The following WDFY3 variants were observed in gnomAD, a reference collection of about 807,000 sequenced individuals.
WDFY3 encodes the protein WD repeat and FYVE domain-containing protein 3.
In WDFY3, 66 loss-of-function variants were observed where a neutral mutation model predicts 409.6. That is an observed-to-expected ratio of 0.16 (90% CI 0.13 to 0.20). The LOEUF is 0.20. WDFY3 is among the 10% of genes least tolerant of loss of function. WDFY3 has a pLI of 1.00. For missense variants in WDFY3, 3,031 were observed against 4,298.1 expected, an observed-to-expected ratio of 0.71 and a Z score of 8.24; for synonymous variants, 1,521 against 1,537.1, an observed-to-expected ratio of 0.99 and a Z score of 0.25.
At chr4:84,905,466 C>T (rs1418653129) in intron 2 of WDFY3, among the ~76,000 whole-genome samples, 1 of 152,206 alleles carries the variant, frequency 6.6e-6, no homozygotes, top group Non-Finnish European at 1.5e-5. Flanking sequence ...TCCTCCTCCC[C>T]CACACTCTTC....
At chr4:84,903,770 T>C (rs558541458) in intron 2 of WDFY3, among the ~76,000 whole-genome samples, 1 of 152,310 alleles carries the variant, frequency 6.6e-6, no homozygotes, top group South Asian at 2.1e-4. Flanking sequence ...ACAAAAACAA[T>C]ATCTGAAATA....
intron 1 of WDFY3, among the ~76,000 whole-genome samples, chr4:84,947,619 C>T (rs1773050199): frequency 1.4e-5 from 2 of 146,570 alleles, no homozygotes; most frequent in African/African-American, 5.0e-5. Flanking sequence ...CGTGTAAACC[C>T]AGCACTTTGG....
At chr4:84,879,933 G>C (rs978774605) in intron 3 of WDFY3, among the ~76,000 whole-genome samples, 6 of 152,138 alleles carry the variant, frequency 3.9e-5, no homozygotes, top group African/African-American at 1.4e-4. Context: ...ACGAGTTAAC[G>C]TTTGTGTGAG....
At chr4:84,927,701 C>T (rs1262538669) in intron 2 of WDFY3, among the ~76,000 whole-genome samples, 1 of 152,156 alleles carries the variant, frequency 6.6e-6, no homozygotes, top group African/African-American at 2.4e-5. Flanking sequence ...TCTGGCATTT[C>T]CTCTGCTGGC....
At chr4:84,744,852 CAAAAAAAAAAAAAAAAAAA>C (rs1165273561) in intron 36 of WDFY3, among the ~76,000 whole-genome samples, 1 of 15,764 alleles carries the variant, frequency 6.3e-5, no homozygotes, top group Non-Finnish European at 1.2e-4. Context: ...GACTCCGTCT[CAAAAAAAAAAAAAAAAAAA>C]AAAAAAAAAG....
intron 37 of WDFY3, among the ~76,000 whole-genome samples, chr4:84,743,400 C>T (rs1306545919): frequency 1.3e-5 from 2 of 152,086 alleles, no homozygotes; most frequent in African/African-American, 2.4e-5. Flanking sequence ...GTATTGTACA[C>T]CTATGTGGTC....
chr4:84,942,196 A>G (rs1469396058), intron 1 of WDFY3, among the ~76,000 whole-genome samples: 1 of 152,090 alleles, frequency 6.6e-6, no homozygotes, highest in African/African-American at 2.4e-5. Flanking sequence ...AAAAATGGGC[A>G]AAGTGGACAT....
intron 1 of WDFY3, among the ~76,000 whole-genome samples, chr4:84,940,855 C>T (rs1362299188): frequency 3.3e-5 from 5 of 151,804 alleles, no homozygotes; most frequent in Admixed American, 3.3e-4. Context: ...CTGGAAATGC[C>T]AGGCTAATTC....
intron 1 of WDFY3, among the ~76,000 whole-genome samples, chr4:84,957,296 T>G (rs1774362633): frequency 6.7e-6 from 1 of 149,214 alleles, no homozygotes; most frequent in African/African-American, 2.5e-5. Flanking sequence ...AGGCATATCA[T>G]AATGAGACTT....
At chr4:84,776,423 A>C (rs1425212906) in intron 27 of WDFY3, among the ~76,000 whole-genome samples, 4 of 152,064 alleles carry the variant, frequency 2.6e-5, no homozygotes, top group African/African-American at 9.6e-5. Flanking sequence ...ATGTACTATA[A>C]AATAAAGCAA....
At chr4:84,923,970 T>C (rs1370406243) in intron 2 of WDFY3, among the ~76,000 whole-genome samples, 1 of 152,154 alleles carries the variant, frequency 6.6e-6, no homozygotes, top group Non-Finnish European at 1.5e-5. Context: ...TTATATATTA[T>C]TTTCCCTAAT....
rs1725555255 is a variant in WDFY3 at position 84,672,356 on chromosome 4, G to A, written c.*512C>T. The A allele has an allele frequency of 6.6e-6, 1 of 152,264 alleles. No homozygotes were observed. Among genetic ancestry groups the A allele is most frequent in the Non-Finnish European group, 1.5e-5 (1 of 68,068 alleles). The allele number at this position is 152,264 out of a possible 1,614,324, so 9.4% of individuals were successfully genotyped here. ...GTGAGGGATGTCAGACAAACCATAA[G>A]TAGTTCATTGAGTTAGTGGTTTAGT... is the stretch of plus-strand genomic sequence containing the variant. On this transcript the variant is annotated 3_prime_UTR_variant, in exon 68 of 68. Coordinates refer to ENST00000295888, the MANE Select transcript of WDFY3 (RefSeq NM_014991.6).
chr4:84,735,291 A>G (rs965889092), intron 42 of WDFY3, among the ~76,000 whole-genome samples, 171 bp from the exon 43 acceptor site: 3 of 152,224 alleles, frequency 2.0e-5, no homozygotes, highest in Non-Finnish European at 4.4e-5. Flanking sequence ...TGATGGACAC[A>G]GATCTGCATG....
intron 13 of WDFY3, among the ~76,000 whole-genome samples, chr4:84,815,432 ATTATT>A (rs1753148491): frequency 6.6e-6 from 1 of 152,132 alleles, no homozygotes; most frequent in Non-Finnish European, 1.5e-5. Context: ...AAACAATACA[ATTATT>A]TTATCTACAG....
chr4:84,950,125 A>T (rs1773415855), intron 1 of WDFY3, among the ~76,000 whole-genome samples: 1 of 152,076 alleles, frequency 6.6e-6, no homozygotes, highest in African/African-American at 2.4e-5. Flanking sequence ...GGAAAACATC[A>T]CTCTCAGCAA....
At chr4:84,872,586 T>G (rs1458308730) in intron 3 of WDFY3, among the ~76,000 whole-genome samples, 2 of 151,294 alleles carry the variant, frequency 1.3e-5, no homozygotes, top group Non-Finnish European at 2.9e-5. Flanking sequence ...ATGCAACAAA[T>G]AGAACACAGT....
At chr4:84,896,581 T>A (rs190584504) in intron 3 of WDFY3, among the ~76,000 whole-genome samples, 54 of 152,256 alleles carry the variant, frequency 3.5e-4, no homozygotes, top group African/African-American at 1.3e-3. Flanking sequence ...AAAGTAAATA[T>A]CCCACTACAG....
intron 3 of WDFY3, among the ~76,000 whole-genome samples, chr4:84,887,191 T>C (rs1297449421): frequency 6.6e-6 from 1 of 152,118 alleles, no homozygotes; most frequent in Non-Finnish European, 1.5e-5. Flanking sequence ...ATAAAGGCTA[T>C]GCATGTTATA....
chr4:84,963,637 T>C (rs1056612323), intron 1 of WDFY3, among the ~76,000 whole-genome samples: 2 of 152,188 alleles, frequency 1.3e-5, no homozygotes, highest in African/African-American at 4.8e-5. Flanking sequence ...TCTTATGATA[T>C]TGTATGCTAT....
Sources: gnomAD v4.1 joint callset for allele counts (sites outside exome capture counted in the v4.1 genomes callset) on GRCh38, gnomAD v4.1.1 for gene constraint, MANE v1.5 for transcripts, NCBI Gene and HGNC (gene_info 2026-07-23, HGNC 2026-07-21) for gene names.